PPP2R5C: variants seen among roughly 807,000 people sequenced by gnomAD.
PPP2R5C encodes the protein protein phosphatase 2 regulatory subunit B'gamma.
In PPP2R5C, 7 loss-of-function variants were observed where a neutral mutation model predicts 68.9. That is an observed-to-expected ratio of 0.10 (90% confidence interval 0.06 to 0.19). The LOEUF (loss-of-function observed/expected upper bound fraction) is 0.19. Among genes scored for constraint, PPP2R5C ranks in the 10% least tolerant of loss-of-function variants. PPP2R5C has a pLI of 1.00. For missense variants in PPP2R5C, 348 were observed against 641.3 expected, an observed-to-expected ratio of 0.54 and a Z score of 4.94; for synonymous variants, 210 against 222.2, an observed-to-expected ratio of 0.95 and a Z score of 0.49.
At chr14:101,776,262 C>A (rs1233457248) in intron 2 of PPP2R5C, among the ~76,000 whole-genome samples, 1 of 152,154 alleles carries the variant, frequency 6.6e-6, no homozygotes, top group Non-Finnish European at 1.5e-5. Context: ...AAAGTAAATT[C>A]TAGGTCATCT....
In PPP2R5C at chr14:101,818,948, G is replaced by A. The variant is rs745778338; in HGVS notation, c.94+8912G>A. 2.1e-6 allele frequency: 3 copies of A among 1,418,364 alleles called. No individual in the cohort carries two copies. The South Asian group carries it at 3.7e-5, about 17-fold the overall frequency. 87.9% of individuals were successfully genotyped at this position (1,418,364 alleles called of 1,614,324 possible). A position where few individuals can be genotyped will look rare whatever the true frequency, so the allele number is the denominator to read the frequency against. ...TCATGAGCAATGTGTTCTAATTATG[G>A]TATTTTAACTTATAACTTATGAAAA... On this transcript the variant is annotated intron_variant, in intron 1 of 13. Transcript: ENST00000334743.
intron 2 of PPP2R5C, 26 bp from the exon 3 acceptor site, chr14:101,785,992 A>ATTTGTTTTTGTT: frequency 1.3e-6 from 2 of 1,515,848 alleles, no homozygotes; most frequent in Non-Finnish European, 1.8e-6. Flanking sequence ...GTACATATTC[A>ATTTGTTTTTGTT]TTTGTTTTTG....
chr14:101,796,976 T>C (rs114857348), intron 3 of PPP2R5C: 8,009 of 350,156 alleles, frequency 0.023, 152 homozygotes, highest in Middle Eastern at 0.068. Flanking sequence ...CATTCATAAG[T>C]GTACAACTCG....
At chr14:101,795,536 G>A (rs1027812486) in intron 3 of PPP2R5C, among the ~76,000 whole-genome samples, 1 of 151,894 alleles carries the variant, frequency 6.6e-6, no homozygotes, top group Admixed American at 6.6e-5. Context: ...ATACTTATAG[G>A]AAGAGTAAAT....
chr14:101,890,179 G>T, intron 5 of PPP2R5C, 58 bp from the exon 8 acceptor site: 1 of 1,480,996 alleles, frequency 6.8e-7, no homozygotes, highest in Non-Finnish European at 9.4e-7. Flanking sequence ...CTAGAGCATT[G>T]TTTTCTTATT....
At chr14:101,918,754 C>T (rs2046849028) in intron 13 of PPP2R5C, among the ~76,000 whole-genome samples, 1 of 142,592 alleles carries the variant, frequency 7.0e-6, no homozygotes, top group Non-Finnish European at 1.5e-5. Flanking sequence ...GGCCTGTAGA[C>T]ACTTAGGACA....
At chr14:101,764,801 C>CTTT (rs34973768) in intron 2 of PPP2R5C, among the ~76,000 whole-genome samples, 2,759 of 129,262 alleles carry the variant, frequency 0.021, 131 homozygotes, top group African/African-American at 0.076. Context: ...TGCTATATGC[C>CTTT]TTTTTTTTTT....
intron 8 of PPP2R5C, among the ~76,000 whole-genome samples, chr14:101,898,914 T>G (rs1470205426): frequency 6.6e-6 from 1 of 152,184 alleles, no homozygotes; most frequent in Non-Finnish European, 1.5e-5. Flanking sequence ...TAGGCTTTGG[T>G]GCAGGTGTAC....
chr14:101,903,934 A>G (rs1377501959), intron 9 of PPP2R5C, among the ~76,000 whole-genome samples: 1 of 152,084 alleles, frequency 6.6e-6, no homozygotes, highest in Non-Finnish European at 1.5e-5. Flanking sequence ...TCGGCCTCCC[A>G]AAGTGCTGAG....
At chr14:101,786,326 T>TAAA (rs1276311559) in intron 3 of PPP2R5C, 143 bp downstream of exon 3, 1 of 650,488 alleles carries the variant, frequency 1.5e-6, no homozygotes, top group Non-Finnish European at 2.4e-6. Flanking sequence ...TTTTTTTTTT[T>TAAA]AGGTTGAATG....
In PPP2R5C at chr14:101,913,920, T is replaced by C. The variant is rs775613273; in HGVS notation, c.1326+1447T>C. Among the ~76,000 whole-genome samples the C allele has an allele frequency of 6.6e-6, 1 of 152,104 alleles. No homozygotes were observed. Among genetic ancestry groups the C allele is most frequent in the Non-Finnish European group, 1.5e-5 (1 of 68,010 alleles). ...CACACACACGAATCAGAAGGTCTGA[T>C]TTTATGTACCTAGAATATAGAGATA... On this transcript the variant is annotated intron_variant, in intron 12 of 13. Coordinates refer to ENST00000334743, the Ensembl canonical transcript of PPP2R5C. The surrounding 1 kb of genome is among the most constrained non-coding windows in gnomAD (Gnocchi z 4.1).
intron 2 of PPP2R5C, among the ~76,000 whole-genome samples, chr14:101,767,462 C>T (rs767443956): frequency 3.3e-5 from 5 of 152,080 alleles, no homozygotes; most frequent in Admixed American, 1.3e-4. Flanking sequence ...TCATTTTGTT[C>T]GGCACAACTC....
chr14:101,789,927 T>C (rs1421021202), intron 3 of PPP2R5C: 2 of 151,516 alleles, frequency 1.3e-5, no homozygotes, highest in African/African-American at 2.4e-5. Flanking sequence ...GAAAGGGGGG[T>C]CTGTTAACTA....
upstream of PPP2R5C, among the ~76,000 whole-genome samples, chr14:101,806,835 G>GC (rs2039098176): frequency 6.6e-6 from 1 of 152,062 alleles, no homozygotes; most frequent in Non-Finnish European, 1.5e-5. Context: ...GGTGATTCAA[G>GC]CCTGCGGTCC....
intron 5 of PPP2R5C, among the ~76,000 whole-genome samples, chr14:101,889,575 A>G (rs903193313): frequency 3.3e-5 from 5 of 152,146 alleles, no homozygotes; most frequent in African/African-American, 1.2e-4. Context: ...GCTGGCACAG[A>G]GGGTAGGGTG....
At chr14:101,824,322 T>G in intron 1 of PPP2R5C, 1 of 552,692 alleles carries the variant, frequency 1.8e-6, no homozygotes, top group Non-Finnish European at 2.7e-6. Context: ...TGGCTCTGTT[T>G]TAGTGTAGAC....
At chr14:101,854,869 T>C (rs902766215) in intron 1 of PPP2R5C, among the ~76,000 whole-genome samples, 1 of 152,234 alleles carries the variant, frequency 6.6e-6, no homozygotes, top group African/African-American at 2.4e-5. Flanking sequence ...AACACATTTT[T>C]AAATGATCTA....
Position 101,916,451 on chromosome 14 carries a change from A to G in PPP2R5C, c.1327-1380A>G, listed in dbSNP as rs2141149545. ...AAAGGCCGAAGACAGCCCACAGAGGAAGGAGCCCAAGGCACCTGGAGGAGA... is the reference window on the plus strand; with the variant it reads ...AAAGGCCGAAGACAGCCCACAGAGGGAGGAGCCCAAGGCACCTGGAGGAGA... On this transcript the variant is annotated intron_variant, in intron 12 of 13. Coordinates refer to ENST00000334743, the Ensembl canonical transcript of PPP2R5C. The surrounding 1 kb of genome is among the most constrained non-coding windows in gnomAD (Gnocchi z 5.5). 6.6e-6 allele frequency among the ~76,000 whole-genome samples: 1 copy of G among 152,286 alleles called. No homozygotes were observed. The highest frequency in any genetic ancestry group is 1.9e-4 in the East Asian group (1 of 5,184).
chr14:101,904,149 GT>G (rs964246531), intron 9 of PPP2R5C, among the ~76,000 whole-genome samples: 221 of 152,176 alleles, frequency 1.5e-3, no homozygotes, highest in African/African-American at 5.1e-3. Context: ...TGGATGGATG[GT>G]TTTGTTTTTG....
Sources: gnomAD v4.1 joint callset for allele counts (sites outside exome capture counted in the v4.1 genomes callset) on GRCh38, gnomAD v4.1.1 for gene constraint, Gnocchi (gnomAD v3.1) non-coding constraint, MANE v1.5 for transcripts, NCBI Gene and HGNC (gene_info 2026-07-23, HGNC 2026-07-21) for gene names.